The following SPMIP2 variants were observed in gnomAD, a reference collection of about 807,000 sequenced individuals.
SPMIP2 encodes sperm microtubule inner protein 2.
At chr4:159,017,356 TACAC>T in the SPMIP2 span, among the ~76,000 whole-genome samples, 57 of 149,410 alleles carry the variant, frequency 3.8e-4, no homozygotes, top group Middle Eastern at 3.4e-3. Context: ...CACAAACACA[TACAC>T]ACACACACAC....
chr4:159,000,445 G>A, the SPMIP2 span, among the ~76,000 whole-genome samples: 2 of 151,344 alleles, frequency 1.3e-5, no homozygotes, highest in Non-Finnish European at 2.9e-5. Context: ...GATCTAAATG[G>A]CATCGAATCA....
At chr4:158,895,298 A>G in the SPMIP2 span, among the ~76,000 whole-genome samples, 2 of 152,264 alleles carry the variant, frequency 1.3e-5, no homozygotes, top group Non-Finnish European at 2.9e-5. Context: ...CTATTGGGGG[A>G]AAAAAACAAA....
the SPMIP2 span, among the ~76,000 whole-genome samples, chr4:159,018,189 T>C: frequency 3.3e-5 from 5 of 152,172 alleles, no homozygotes; most frequent in Admixed American, 3.3e-4. Context: ...TGGAGTTCAC[T>C]TTGGACGTGG....
the SPMIP2 span, among the ~76,000 whole-genome samples, chr4:159,045,820 TTGGGGC>T: frequency 5.9e-5 from 9 of 152,306 alleles, no homozygotes; most frequent in Admixed American, 3.9e-4. Context: ...AAGCCGTCAG[TTGGGGC>T]TGAGGTTTTA....
At chr4:159,020,359 C>G in the SPMIP2 span, among the ~76,000 whole-genome samples, 3 of 152,052 alleles carry the variant, frequency 2.0e-5, no homozygotes, top group Non-Finnish European at 2.9e-5. Context: ...AGCAGAGGAT[C>G]AAAATATTTG....
the SPMIP2 span, among the ~76,000 whole-genome samples, chr4:158,987,948 A>C: frequency 6.6e-6 from 1 of 152,116 alleles, no homozygotes; most frequent in Non-Finnish European, 1.5e-5. Context: ...AAAATCAATG[A>C]ATCCAGGAGC....
chr4:159,044,239 G>A, the SPMIP2 span, among the ~76,000 whole-genome samples: 1 of 151,582 alleles, frequency 6.6e-6, no homozygotes, highest in Non-Finnish European at 1.5e-5. Flanking sequence ...AGCTGGGCAC[G>A]GTGCCTGTAG....
the SPMIP2 span, among the ~76,000 whole-genome samples, chr4:159,041,884 G>A: frequency 2.9e-4 from 44 of 152,226 alleles, no homozygotes; most frequent in Admixed American, 1.6e-3. Flanking sequence ...CCTGATTCAC[G>A]AAGAGGTGAG....
At chr4:158,948,439 C>T in the SPMIP2 span, among the ~76,000 whole-genome samples, 1 of 152,108 alleles carries the variant, frequency 6.6e-6, no homozygotes, top group African/African-American at 2.4e-5. Context: ...AAGTCATTGG[C>T]CCAGTGTCTT....
the SPMIP2 span, among the ~76,000 whole-genome samples, chr4:159,069,900 G>C: frequency 6.6e-6 from 1 of 152,088 alleles, no homozygotes; most frequent in Non-Finnish European, 1.5e-5. Context: ...GTCTCTCGAA[G>C]TCTACTGGAA....
the SPMIP2 span, among the ~76,000 whole-genome samples, chr4:159,027,311 A>G: frequency 2.0e-5 from 3 of 152,186 alleles, no homozygotes; most frequent in Admixed American, 6.5e-5. Flanking sequence ...GGCCCATTAT[A>G]TTCTATCAGA....
chr4:159,002,347 T>C, the SPMIP2 span, among the ~76,000 whole-genome samples: 1 of 131,792 alleles, frequency 7.6e-6, no homozygotes, highest in Non-Finnish European at 1.7e-5. Context: ...CAGAAGTTTT[T>C]AATTTTGATA....
the SPMIP2 span, among the ~76,000 whole-genome samples, chr4:159,055,751 A>G: frequency 3.3e-5 from 5 of 152,124 alleles, no homozygotes; most frequent in Admixed American, 2.0e-4. Context: ...TAAAAAACGA[A>G]AAACAAAAAC....
At chr4:158,913,862 G>C in the SPMIP2 span, among the ~76,000 whole-genome samples, 1 of 148,552 alleles carries the variant, frequency 6.7e-6, no homozygotes, top group Admixed American at 6.7e-5. Flanking sequence ...AAAAAAAAAA[G>C]ACAAGAGAAG....
chr4:158,957,943 A>T, the SPMIP2 span, among the ~76,000 whole-genome samples: 1 of 152,170 alleles, frequency 6.6e-6, no homozygotes, highest in African/African-American at 2.4e-5. Flanking sequence ...ATAAGCATGA[A>T]TTATATTTGT....
chr4:158,928,026 A>G, the SPMIP2 span, among the ~76,000 whole-genome samples: 1 of 151,940 alleles, frequency 6.6e-6, no homozygotes, highest in African/African-American at 2.4e-5. Context: ...CTCCTCAATG[A>G]GCGCCGCCCC....
chr4:159,037,299 G>A, the SPMIP2 span, among the ~76,000 whole-genome samples: 1 of 152,094 alleles, frequency 6.6e-6, no homozygotes, highest in Non-Finnish European at 1.5e-5. Context: ...ACATATTTAG[G>A]TTCATTTGTT....
At chr4:158,980,553 C>T in the SPMIP2 span, among the ~76,000 whole-genome samples, 1 of 152,210 alleles carries the variant, frequency 6.6e-6, no homozygotes, top group Non-Finnish European at 1.5e-5. Flanking sequence ...CTGGTGATAT[C>T]CAGGCAAACA....
the SPMIP2 span, among the ~76,000 whole-genome samples, chr4:159,065,161 C>T: frequency 6.6e-6 from 1 of 152,194 alleles, no homozygotes; most frequent in African/African-American, 2.4e-5. Flanking sequence ...TTGCTAGTTC[C>T]TCTCTATGCA....
Sources: gnomAD v4.1 joint callset for allele counts (sites outside exome capture counted in the v4.1 genomes callset) on GRCh38, gnomAD v4.1.1 for gene constraint, MANE v1.5 for transcripts, NCBI Gene and HGNC (gene_info 2026-07-23, HGNC 2026-07-21) for gene names.